OR5P2: variants seen among roughly 807,000 people sequenced by gnomAD.
The protein encoded by OR5P2 is olfactory receptor 5P2.
For synonymous variants in OR5P2, 165 were observed against 145.6 expected, an observed-to-expected ratio of 1.13 and a Z score of -0.96; for missense variants, 455 against 382.3, an observed-to-expected ratio of 1.19 and a Z score of -1.59.
In OR5P2 at chr11:7,796,790, G is replaced by A. The variant is rs746267337; in HGVS notation, c.153C>T (p.Leu51=). 1 of 1,599,862 alleles carries A rather than the reference G, an allele frequency of 6.3e-7. No individual in the cohort carries two copies. The highest frequency in any genetic ancestry group is 8.5e-7 in the Non-Finnish European group (1 of 1,174,678). Residue 51 remains leucine (L), a synonymous_variant, in exon 1 of 1, where the codon CTC becomes CTT. Transcript: ENST00000329434. ...IIILIRISSQ[L]HHPMYFFLSH... is the part of the protein sequence containing the mutation. Reference sequence around the variant, plus strand: ...TCAGAAAGAAATACATAGGATGATGGAGCTGAGAAGAAATTCTGATAAGAA... The same window carrying A: ...TCAGAAAGAAATACATAGGATGATGAAGCTGAGAAGAAATTCTGATAAGAA...
Position 7,796,194 on chromosome 11 carries a change from G to T in OR5P2, c.749C>A (p.Thr250Asn), listed in dbSNP as rs1357080508. 2 of 1,604,800 alleles carry T rather than the reference G, an allele frequency of 1.2e-6. No homozygotes were observed. The highest frequency in any genetic ancestry group is 2.3e-5 in the East Asian group (1 of 44,334). The change falls in exon 1 of 1, where the codon ACC becomes AAC. Residue 250 changes from threonine (T) to asparagine (N), a missense_variant. Physicochemically the swap from Thr to Asn is moderately conservative, Grantham distance 65. Coordinates refer to ENST00000329434, the MANE Select transcript of OR5P2 (RefSeq NM_153444.1). ...GGGCATCACATAAATGAAGGTAATGGTCCCATAGAACAGGGTAACCACAGT... is the reference window on the plus strand; with the variant it reads ...GGGCATCACATAAATGAAGGTAATGTTCCCATAGAACAGGGTAACCACAGT... Reference protein sequence around the residue: ...HLTVVTLFYGTITFIYVMPNF... With the variant: ...HLTVVTLFYGNITFIYVMPNF...
rs768148479 is a variant in OR5P2 at position 7,796,794 on chromosome 11, T to C, written c.149A>G (p.Gln50Arg). 14 of 1,598,900 alleles carry C rather than the reference T, an allele frequency of 8.8e-6. No homozygotes were observed. The highest frequency in any genetic ancestry group is 3.4e-5 in the Admixed American group (2 of 59,646). ...SIIILIRISS[Q>R]LHHPMYFFLS... ...AAAGAAATACATAGGATGATGGAGCTGAGAAGAAATTCTGATAAGAATAAT... is the reference window on the plus strand; with the variant it reads ...AAAGAAATACATAGGATGATGGAGCCGAGAAGAAATTCTGATAAGAATAAT... The change falls in exon 1 of 1, where the codon CAG (glutamine) becomes CGG (arginine). Residue 50 changes from glutamine (Q) to arginine (R), a missense_variant. Gln to Arg is a conservative substitution (Grantham distance 43). Transcript: ENST00000329434.
In OR5P2 at chr11:7,796,876, C is replaced by T; in HGVS notation, c.67G>A (p.Asp23Asn). 1 of 1,520,282 alleles carries T rather than the reference C, an allele frequency of 6.6e-7. No individual in the cohort carries two copies. Among genetic ancestry groups the T allele is most frequent in the Non-Finnish European group, 9.0e-7 (1 of 1,112,110 alleles). 94.2% of individuals were successfully genotyped at this position (1,520,282 alleles called of 1,614,324 possible). A position where few individuals can be genotyped will look rare whatever the true frequency, so the allele number is the denominator to read the frequency against. The stretch of plus-strand genomic sequence containing the variant: ...AAGAGGATGACTCGAAGGATTGGAT[C>T]ATCTGTTAAGCCCAATAGGATGAAC... ...TGFILLGLTD[D>N]PILRVILFMI... Residue 23 changes from aspartate (D) to asparagine (N), a missense_variant, in exon 1 of 1, where the codon GAT becomes AAT. Asp to Asn is a conservative substitution (Grantham distance 23). Transcript: ENST00000329434.
chr11:7,796,430 A>T lies in OR5P2; in HGVS notation c.513T>A (p.Asn171Lys), dbSNP rs1260763667. Reference sequence around the variant, plus strand: ...AGGGAGCGAAATCACAGAAAAAATGATTGACTTGATTTGGTCCACAGAAGA... The same window carrying T: ...AGGGAGCGAAATCACAGAAAAAATGTTTGACTTGATTTGGTCCACAGAAGA... ...FLLFCGPNQV[N>K]HFFCDFAPLL... Residue 171 changes from asparagine (N) to lysine (K), a missense_variant, in exon 1 of 1, where the codon AAT (asparagine) becomes AAA (lysine). Physicochemically the swap from Asn to Lys is moderately conservative, Grantham distance 94 (BLOSUM62 0). Coordinates refer to ENST00000329434, the MANE Select transcript of OR5P2 (RefSeq NM_153444.1). The T allele has an allele frequency of 1.9e-6, 3 of 1,604,876 alleles. No individual in the cohort carries two copies. In the South Asian group the frequency reaches 3.3e-5, roughly 18 times the overall value.
rs753065317 is a variant in OR5P2 at position 7,796,300 on chromosome 11, T to A, written c.643A>T (p.Ile215Phe). The A allele has an allele frequency of 1.1e-5, 18 of 1,604,760 alleles. No homozygotes were observed. The highest frequency in any genetic ancestry group is 1.5e-5 in the Non-Finnish European group (18 of 1,178,476). The change falls in exon 1 of 1, where the codon ATC becomes TTC. Residue 215 changes from isoleucine (I) to phenylalanine (F), a missense_variant. Transcript: ENST00000329434. ...VTVCVIAVCY[I>F]YILITILKMR... is the part of the protein sequence containing the mutation. ...TTCAGGATGGTGATGAGGATATAGA[T>A]GTAGCAGACGGCTATGACACACACA...
At position 7,796,216 on chromosome 11, in the gene OR5P2, C is replaced by T; in HGVS notation, c.727G>A (p.Val243Met). 1 of 1,605,030 alleles carries T rather than the reference C, an allele frequency of 6.2e-7. No individual in the cohort carries two copies. The change falls in exon 1 of 1, where the codon GTG (valine) becomes ATG (methionine). Residue 243 changes from valine to methionine, a missense_variant. Val to Met is a conservative substitution (Grantham distance 21). Coordinates refer to ENST00000329434, the MANE Select transcript of OR5P2 (RefSeq NM_153444.1). ...ATGGTCCCATAGAACAGGGTAACCA[C>T]AGTGAGGTGGGAAGTGCAGGTGGAG... ...AFSTCTSHLT[V>M]VTLFYGTITF...
chr11:7,796,363 C>T lies in OR5P2; in HGVS notation c.580G>A (p.Val194Ile), dbSNP rs1857352581. 1 of 1,604,902 alleles carries T rather than the reference C, an allele frequency of 6.2e-7. No homozygotes were observed. Among genetic ancestry groups the T allele is most frequent in the African/African-American group, 1.4e-5 (1 of 69,198 alleles). The stretch of plus-strand genomic sequence containing the variant: ...ATGGATCCAGAAGAAAATGAGAGAA[C>T]AACTGTGGAGACACTGATATCAGAA... ...SCSDISVSTV[V>I]LSFSSGSIIV... The change falls in exon 1 of 1, where the codon GTT (valine) becomes ATT (isoleucine). Residue 194 changes from valine (V) to isoleucine (I), a missense_variant. Coordinates refer to ENST00000329434, the MANE Select transcript of OR5P2 (RefSeq NM_153444.1).
chr11:7,796,527 T>C lies in OR5P2; in HGVS notation c.416A>G (p.Gln139Arg). 1.2e-6 allele frequency: 2 copies of C among 1,605,566 alleles called. No homozygotes were observed. Among genetic ancestry groups the C allele is most frequent in the South Asian group, 2.2e-5 (2 of 90,392 alleles). ...STKMSTQVSV[Q>R]LLLVVYIAGF... ...AGCTATGTAAACTACTAAGAGTAGC[T>C]GGACACTGACTTGTGTGGACATTTT... Residue 139 changes from glutamine (Q) to arginine (R), a missense_variant, in exon 1 of 1, where the codon CAG becomes CGG. Gln to Arg is a conservative substitution (Grantham distance 43, BLOSUM62 1). Transcript: ENST00000329434.
chr11:7,796,138 C>T lies in OR5P2; in HGVS notation c.805G>A (p.Val269Met). ...ACCACTGTGTACAACACAGACACCA[C>T]CTTGTTCTGGTCAGTTGAGTAGCTA... ...NFSYSTDQNK[V>M]VSVLYTVVIP... Residue 269 changes from valine (V) to methionine (M), a missense_variant, in exon 1 of 1, where the codon GTG (valine) becomes ATG (methionine). Val to Met is a conservative substitution (Grantham distance 21, BLOSUM62 1). Coordinates refer to ENST00000329434, the MANE Select transcript of OR5P2 (RefSeq NM_153444.1). 2 of 1,605,424 alleles carry T rather than the reference C, an allele frequency of 1.2e-6. 1 individual carries two copies.
chr11:7,796,080 A>C lies in OR5P2; in HGVS notation c.863T>G (p.Leu288Arg). ...IPMLNPLIYSLRNKEIKGALK... is the reference protein window; with the variant it reads ...IPMLNPLIYSRRNKEIKGALK... Reference sequence around the variant, plus strand: ...AGCCCCCTTAATCTCCTTGTTCCTGAGGCTGTAGATCAGGGGGTTCAACAT... The same window carrying C: ...AGCCCCCTTAATCTCCTTGTTCCTGCGGCTGTAGATCAGGGGGTTCAACAT... The change falls in exon 1 of 1, where the codon CTC becomes CGC. Residue 288 changes from leucine to arginine, a missense_variant. By Grantham distance (102) the Leu-to-Arg change is moderately radical (BLOSUM62 -2). Transcript: ENST00000329434. 1.9e-6 allele frequency: 3 copies of C among 1,605,240 alleles called. 1 individual carries two copies. Among genetic ancestry groups the C allele is most frequent in the Non-Finnish European group, 1.7e-6 (2 of 1,178,690 alleles).
rs1221995231 is a variant in OR5P2 at position 7,796,508 on chromosome 11, GTAAAC to G, written c.430_434del (p.Val144HisfsTer31). 6.2e-7 allele frequency: 1 copy of G among 1,604,838 alleles called. No homozygotes were observed. Among genetic ancestry groups the G allele is most frequent in the Non-Finnish European group, 8.5e-7 (1 of 1,178,214 alleles). On this transcript the variant is annotated frameshift_variant, in exon 1 of 1. Transcript: ENST00000329434. LOFTEE classifies it low-confidence loss of function (END_TRUNC). ...AGACAGCAATGAGAAAACCAGCTAT[GTAAAC>G]TACTAAGAGTAGCTGGACACTGACT... is the stretch of plus-strand genomic sequence containing the variant.
rs748047595 is a variant in OR5P2, at chr11:7,796,209, GTA to G, written c.732_733del (p.Thr245ProfsTer16). On this transcript the variant is annotated frameshift_variant, in exon 1 of 1. Transcript: ENST00000329434. LOFTEE classifies it low-confidence loss of function (END_TRUNC). ...GAAGGTAATGGTCCCATAGAACAGG[GTA>G]ACCACAGTGAGGTGGGAAGTGCAGG... The G allele has an allele frequency of 3.2e-5, 51 of 1,604,910 alleles. 1 individual carries two copies. The highest frequency in any genetic ancestry group is 4.1e-5 in the Non-Finnish European group (48 of 1,178,748).
Position 7,796,239 on chromosome 11 carries a change from G to T in OR5P2, c.704C>A (p.Ser235Tyr), listed in dbSNP as rs756933050. ...CACAGTGAGGTGGGAAGTGCAGGTG[G>T]AGAAGGCCTTGTGGTGCCCCTCAGT... The part of the protein sequence containing the change: ...RSTEGHHKAF[S>Y]TCTSHLTVVT... The change falls in exon 1 of 1, where the codon TCC becomes TAC. Residue 235 changes from serine (S) to tyrosine (Y), a missense_variant. By Grantham distance (144) the Ser-to-Tyr change is moderately radical. Transcript: ENST00000329434. 1.9e-6 allele frequency: 3 copies of T among 1,605,156 alleles called. No individual in the cohort carries two copies. Among genetic ancestry groups the T allele is most frequent in the Non-Finnish European group, 2.5e-6 (3 of 1,178,752 alleles).
At position 7,796,168 on chromosome 11, in the gene OR5P2, T is replaced by A. The variant is rs1353428140; in HGVS notation, c.775A>T (p.Asn259Tyr). 6.2e-7 allele frequency: 1 copy of A among 1,604,868 alleles called. No homozygotes were observed. Among genetic ancestry groups the A allele is most frequent in the Non-Finnish European group, 8.5e-7 (1 of 1,178,690 alleles). ...TTCTGGTCAGTTGAGTAGCTAAAATTGGGCATCACATAAATGAAGGTAATG... is the reference window on the plus strand; with the variant it reads ...TTCTGGTCAGTTGAGTAGCTAAAATAGGGCATCACATAAATGAAGGTAATG... ...GTITFIYVMP[N>Y]FSYSTDQNKV... The change falls in exon 1 of 1, where the codon AAT becomes TAT. Residue 259 changes from asparagine to tyrosine, a missense_variant. By Grantham distance (143) the Asn-to-Tyr change is moderately radical. Coordinates refer to ENST00000329434, the MANE Select transcript of OR5P2 (RefSeq NM_153444.1).
In OR5P2 at chr11:7,796,668, C is replaced by A; in HGVS notation, c.275G>T (p.Gly92Val). Residue 92 changes from glycine (G) to valine (V), a missense_variant, in exon 1 of 1, where the codon GGA becomes GTA. Coordinates refer to ENST00000329434, the MANE Select transcript of OR5P2 (RefSeq NM_153444.1). Reference sequence around the variant, plus strand: ...CGCTGAACCAAGCTGGATGGCACATCCAAGGTAGGAGACTGTATTTCTCTC... The same window carrying A: ...CGCTGAACCAAGCTGGATGGCACATACAAGGTAGGAGACTGTATTTCTCTC... Reference protein sequence around the residue: ...LVERNTVSYLGCAIQLGSAAF... With the variant: ...LVERNTVSYLVCAIQLGSAAF... 6.2e-7 allele frequency: 1 copy of A among 1,605,340 alleles called. No homozygotes were observed. The highest frequency in any genetic ancestry group is 8.5e-7 in the Non-Finnish European group (1 of 1,178,670).
chr11:7,796,184 G>T lies in OR5P2; in HGVS notation c.759C>A (p.Phe253Leu). 2 of 1,604,986 alleles carry T rather than the reference G, an allele frequency of 1.2e-6. No individual in the cohort carries two copies. The highest frequency in any genetic ancestry group is 1.7e-6 in the Non-Finnish European group (2 of 1,178,704). ...VVTLFYGTIT[F>L]IYVMPNFSYS... ...AGCTAAAATTGGGCATCACATAAAT[G>T]AAGGTAATGGTCCCATAGAACAGGG... Residue 253 changes from phenylalanine (F) to leucine (L), a missense_variant, in exon 1 of 1, where the codon TTC becomes TTA. By Grantham distance (22) the Phe-to-Leu change is conservative. Transcript: ENST00000329434.
rs747966221 is a variant in OR5P2 at position 7,796,266 on chromosome 11, G to A, written c.677C>T (p.Ser226Phe). ...YILITILKMR[S>F]TEGHHKAFST... Reference sequence around the variant, plus strand: ...GAAGGCCTTGTGGTGCCCCTCAGTGGAGCGCATCTTCAGGATGGTGATGAG... The same window carrying A: ...GAAGGCCTTGTGGTGCCCCTCAGTGAAGCGCATCTTCAGGATGGTGATGAG... The change falls in exon 1 of 1, where the codon TCC (serine) becomes TTC (phenylalanine). Residue 226 changes from serine (S) to phenylalanine (F), a missense_variant. Transcript: ENST00000329434. The A allele has an allele frequency of 1.9e-6, 3 of 1,605,072 alleles. No individual in the cohort carries two copies. The South Asian group carries it at 3.3e-5, about 18-fold the overall frequency.
rs1857355615 is a variant in OR5P2 at position 7,796,511 on chromosome 11, AACT to A, written c.429_431del (p.Val144del). The A allele has an allele frequency of 6.2e-7, 1 of 1,605,100 alleles. No homozygotes were observed. Among genetic ancestry groups the A allele is most frequent in the Non-Finnish European group, 8.5e-7 (1 of 1,178,250 alleles). ...CAGCAATGAGAAAACCAGCTATGTAAACTACTAAGAGTAGCTGGACACTGACTT... is the reference window on the plus strand; with the variant it reads ...CAGCAATGAGAAAACCAGCTATGTAAACTAAGAGTAGCTGGACACTGACTT... On this transcript the variant is annotated inframe_deletion, in exon 1 of 1. Transcript: ENST00000329434.
At position 7,796,491 on chromosome 11, in the gene OR5P2, A is replaced by G. The variant is rs752608840; in HGVS notation, c.452T>C (p.Ile151Thr). ...GAAGGAAGTAGTATAGGAGACAGCA[A>G]TGAGAAAACCAGCTATGTAAACTAC... is the stretch of plus-strand genomic sequence containing the variant. ...LLVVYIAGFL[I>T]AVSYTTSFYF... Residue 151 changes from isoleucine to threonine, a missense_variant, in exon 1 of 1, where the codon ATT becomes ACT. Coordinates refer to ENST00000329434, the MANE Select transcript of OR5P2 (RefSeq NM_153444.1). 4.3e-5 allele frequency: 69 copies of G among 1,605,116 alleles called. 7 individuals are homozygous for G. The South Asian group carries it at 6.1e-4, about 14-fold the overall frequency.
Sources: gnomAD v4.1 joint callset for allele counts on GRCh38, gnomAD v4.1.1 for gene constraint, MANE v1.5 for transcripts, NCBI Gene and HGNC (gene_info 2026-07-23, HGNC 2026-07-21) for gene names.